The following TANC2 variants were observed in gnomAD, a reference collection of about 807,000 sequenced individuals.
The protein encoded by TANC2 is protein TANC2.
Under a neutral mutation model 210.5 loss-of-function variants are expected in TANC2, and 26 were observed. The ratio of observed to expected loss-of-function variants is 0.12; its 90% CI spans 0.09 to 0.17. The LOEUF (loss-of-function observed/expected upper bound fraction) is 0.17, where lower values mean the gene tolerates loss of function less well. Ranked by LOEUF, TANC2 falls within the 10% of genes least tolerant of loss-of-function variation. TANC2 has a pLI of 1.00. For synonymous variants in TANC2, 931 were observed against 967.1 expected (o/e 0.96, Z 0.69); for missense variants, 2,129 against 2,608.9 (o/e 0.82, Z 4.01).
chr17:63,140,270 G>T (rs754959866), intron 4 of TANC2, among the ~76,000 whole-genome samples: 13 of 152,196 alleles, frequency 8.5e-5, no homozygotes, highest in East Asian at 1.9e-4. Context: ...TAATTGAAAA[G>T]AGTAACTTTT....
chr17:63,391,037 C>G (rs1156672428), intron 17 of TANC2: 3 of 152,182 alleles, frequency 2.0e-5, no homozygotes, highest in African/African-American at 7.2e-5. Flanking sequence ...GAAGTACTTA[C>G]CTTCCTTTCC....
intron 1 of TANC2, among the ~76,000 whole-genome samples, chr17:62,988,172 G>T (rs2032668426): frequency 6.6e-6 from 1 of 152,124 alleles, no homozygotes; most frequent in African/African-American, 2.4e-5. Flanking sequence ...CTGTCACCCA[G>T]GCTGGAGTGC....
chr17:63,355,412 A>C (rs748701133), intron 14 of TANC2, 22 bp downstream of exon 14: 90 of 1,524,758 alleles, frequency 5.9e-5, no homozygotes, highest in Non-Finnish European at 7.6e-5. Flanking sequence ...ATCTGTGATA[A>C]ACAATTCTGA....
intron 2 of TANC2, among the ~76,000 whole-genome samples, chr17:63,019,376 C>T (rs1598264655): frequency 6.6e-6 from 1 of 151,970 alleles, no homozygotes; most frequent in Non-Finnish European, 1.5e-5. Flanking sequence ...TGCCATCACC[C>T]CTGGCTAATT....
chr17:62,977,618 T>TAC (rs2032081198), intron 1 of TANC2, among the ~76,000 whole-genome samples: 1 of 148,280 alleles, frequency 6.7e-6, no homozygotes, highest in African/African-American at 2.6e-5. Flanking sequence ...TTCTCCCCTA[T>TAC]CCCCTAACAT....
chr17:63,080,294 G>A (rs1002856547), intron 3 of TANC2, among the ~76,000 whole-genome samples: 3 of 152,136 alleles, frequency 2.0e-5, no homozygotes, highest in Non-Finnish European at 4.4e-5. Flanking sequence ...TGCATTAAAT[G>A]ATTTTTTTCA....
intron 9 of TANC2, among the ~76,000 whole-genome samples, chr17:63,312,577 G>A (rs1461926283): frequency 1.3e-5 from 2 of 152,124 alleles, no homozygotes; most frequent in African/African-American, 4.8e-5. Context: ...ACTGCTAGAA[G>A]GGGGAAGAAG....
intron 1 of TANC2, among the ~76,000 whole-genome samples, chr17:62,990,072 C>T (rs1234136994): frequency 6.6e-6 from 1 of 152,012 alleles, no homozygotes; most frequent in Non-Finnish European, 1.5e-5. Flanking sequence ...CCACTGCACC[C>T]GGCCAAGGCA....
Position 63,418,372 on chromosome 17 carries a change from T to C in TANC2, c.4233T>C (p.Ala1411=). The C allele has an allele frequency of 6.2e-7, 1 of 1,613,102 alleles. No individual in the cohort carries two copies. The highest frequency in any genetic ancestry group is 8.5e-7 in the Non-Finnish European group (1 of 1,179,562). The change falls in exon 27 of 28, where the codon GCT becomes GCC. Residue 1411 remains alanine (A), a synonymous_variant. Coordinates refer to ENST00000689528, the Ensembl canonical transcript of TANC2. The surrounding 1 kb of genome is among the most constrained non-coding windows in gnomAD (Gnocchi z 4.6). ...AGCTGAAACCGAAATCTTATGAAGC[T>C]TACTATGCGAGAGCAAGGGCAAAAC... is the stretch of plus-strand genomic sequence containing the variant.
At chr17:62,988,047 G>C (rs151245483) in intron 1 of TANC2, among the ~76,000 whole-genome samples, 416 of 152,146 alleles carry the variant, frequency 2.7e-3, no homozygotes, top group Admixed American at 5.1e-3. Context: ...TGCTTGATGA[G>C]AGTAATAATT....
intron 9 of TANC2, among the ~76,000 whole-genome samples, chr17:63,281,590 GA>G (rs2044060316): frequency 6.6e-6 from 1 of 151,984 alleles, no homozygotes. Flanking sequence ...TACTTGAGAG[GA>G]ACATAACAGA....
At chr17:62,979,205 A>T (rs2032177973) in intron 1 of TANC2, among the ~76,000 whole-genome samples, 1 of 152,120 alleles carries the variant, frequency 6.6e-6, no homozygotes, top group Admixed American at 6.5e-5. Context: ...TTCAGGTTTA[A>T]TCTCACGGTA....
At chr17:63,073,852 G>C in intron 2 of TANC2, 91 bp from the exon 3 acceptor site, 1 of 1,008,058 alleles carries the variant, frequency 9.9e-7, no homozygotes, top group African/African-American at 1.7e-5. Context: ...ATAAATGATC[G>C]ATATAGTAGT....
intron 1 of TANC2, among the ~76,000 whole-genome samples, chr17:62,982,117 C>G (rs1014622774): frequency 1.3e-5 from 2 of 152,146 alleles, no homozygotes; most frequent in Admixed American, 6.5e-5. Flanking sequence ...GGGTCAAAAT[C>G]TCAACTCTTT....
chr17:63,202,057 T>C (rs561881615), intron 7 of TANC2, among the ~76,000 whole-genome samples: 1 of 152,270 alleles, frequency 6.6e-6, no homozygotes, highest in South Asian at 2.1e-4. Flanking sequence ...GCTCTTCTTA[T>C]AGTTAGGTAT....
At chr17:63,415,607 T>C in exon 26 of TANC2, 1 of 1,613,742 alleles carries the variant, frequency 6.2e-7, no homozygotes, top group Non-Finnish European at 8.5e-7. Flanking sequence ...GGTGAGGACT[T>C]GAAAACTTTC....
At chr17:63,024,021 T>C (rs2034453843) in intron 2 of TANC2, among the ~76,000 whole-genome samples, 1 of 152,194 alleles carries the variant, frequency 6.6e-6, no homozygotes, top group Non-Finnish European at 1.5e-5. Flanking sequence ...AATATTAGGG[T>C]TTTACTAACT....
At chr17:63,215,617 G>A (rs1387522193) in intron 7 of TANC2, among the ~76,000 whole-genome samples, 2 of 152,184 alleles carry the variant, frequency 1.3e-5, no homozygotes, top group Non-Finnish European at 2.9e-5. Context: ...CCTAAATGAT[G>A]GGGTACAGAG....
chr17:63,314,400 C>G, exon 10 of TANC2: 2 of 1,613,824 alleles, frequency 1.2e-6, no homozygotes, highest in South Asian at 1.1e-5. Flanking sequence ...CGCTTTGCAC[C>G]TTATAGGCCT....
Sources: allele counts gnomAD v4.1 joint callset (sites outside exome capture counted in the v4.1 genomes callset), GRCh38; gene constraint gnomAD v4.1.1; non-coding constraint Gnocchi (gnomAD v3.1); transcripts MANE v1.5; gene names NCBI Gene and HGNC (gene_info 2026-07-23, HGNC 2026-07-21).